The following ELMO1 variants were observed in gnomAD, a reference collection of about 807,000 sequenced individuals.
ELMO1 encodes the protein engulfment and cell motility protein 1.
In ELMO1, 26 loss-of-function variants were observed where a neutral mutation model predicts 98.9. The observed-to-expected ratio is 0.26, with a 90% CI of 0.19 to 0.36. ELMO1 has a LOEUF of 0.36. Ranked by LOEUF, ELMO1 falls within the 10% of genes least tolerant of loss-of-function variation. The pLI is 1.00. For synonymous variants in ELMO1, 346 were observed against 346.0 expected, an observed-to-expected ratio of 1.00 and a Z score of 0.00; for missense variants, 627 against 935.2, an observed-to-expected ratio of 0.67 and a Z score of 4.30.
At chr7:37,446,757 G>C (rs764790590) in intron 1 of ELMO1, among the ~76,000 whole-genome samples, 1 of 152,036 alleles carries the variant, frequency 6.6e-6, no homozygotes, top group Non-Finnish European at 1.5e-5. Flanking sequence ...CTCCAGTTCA[G>C]TACCCTCCTG....
chr7:37,321,321 A>G (rs932105091), intron 2 of ELMO1, among the ~76,000 whole-genome samples: 3 of 152,210 alleles, frequency 2.0e-5, no homozygotes, highest in Non-Finnish European at 2.9e-5. Flanking sequence ...AGGTACGTCT[A>G]TCTGTCCAAT....
At chr7:37,393,002 C>T (rs2723999) in intron 1 of ELMO1, among the ~76,000 whole-genome samples, 113,862 of 152,040 alleles carry the variant, frequency 0.75, 43,145 homozygotes, top group East Asian at 0.95. Flanking sequence ...GCTTCACCAC[C>T]TCCCCACCCC....
chr7:37,126,710 G>T (rs17170889), intron 14 of ELMO1, among the ~76,000 whole-genome samples: 6,274 of 152,234 alleles, frequency 0.041, 368 homozygotes, highest in African/African-American at 0.13. Context: ...GCTTTTCCAT[G>T]TCAGGTATTT....
rs978143103 is a variant in ELMO1, at chr7:37,337,868, G to GA, written c.78+4744dup. Among the ~76,000 whole-genome samples the GA allele has an allele frequency of 9.2e-4, 137 of 149,596 alleles. 1 individual carries two copies. Among genetic ancestry groups the GA allele is most frequent in the Non-Finnish European group, 1.5e-3 (99 of 67,226 alleles). On this transcript the variant is annotated intron_variant, in intron 2 of 21. Coordinates refer to ENST00000310758, the MANE Select transcript of ELMO1 (RefSeq NM_014800.11). ...TCAGAAATGGTGAGTGGCCAAGATG[G>GA]AAAAAAAAAATCACAGAGTACTAGG...
chr7:37,213,948 C>T (rs1793134847), intron 11 of ELMO1, among the ~76,000 whole-genome samples: 1 of 152,214 alleles, frequency 6.6e-6, no homozygotes, highest in African/African-American at 2.4e-5. Context: ...AAATACCCAT[C>T]AAATCTTAAT....
chr7:37,023,879 A>G (rs2129181129), intron 15 of ELMO1, among the ~76,000 whole-genome samples: 1 of 152,274 alleles, frequency 6.6e-6, no homozygotes, highest in Non-Finnish European at 1.5e-5. Flanking sequence ...CCACCGGCCT[A>G]TGAATGCATT....
chr7:37,274,672 C>G (rs1562573349), intron 4 of ELMO1, among the ~76,000 whole-genome samples: 1 of 152,160 alleles, frequency 6.6e-6, no homozygotes, highest in Non-Finnish European at 1.5e-5. Flanking sequence ...CCTGCCTCAG[C>G]CTTCCGAGTA....
chr7:37,011,122 T>C (rs528774400), intron 16 of ELMO1, among the ~76,000 whole-genome samples: 1 of 152,344 alleles, frequency 6.6e-6, no homozygotes, highest in African/African-American at 2.4e-5. Context: ...GCATTAGAGC[T>C]ACGGTAAGAA....
At chr7:37,281,426 CCACAAACAGGGAAAGGGA>C (rs1797136210) in intron 4 of ELMO1, among the ~76,000 whole-genome samples, 3 of 152,286 alleles carry the variant, frequency 2.0e-5, no homozygotes, top group Non-Finnish European at 4.4e-5. Context: ...GCAATACCCC[CCACAAACAGGGAAAGGGA>C]TTCCATGAAA....
intron 14 of ELMO1, among the ~76,000 whole-genome samples, chr7:37,131,940 G>A (rs896535992): frequency 6.6e-6 from 1 of 152,210 alleles, no homozygotes; most frequent in Admixed American, 6.5e-5. Context: ...GGAGGTCACT[G>A]CTGGGTGGTA....
chr7:36,925,988 G>A, intron 16 of ELMO1, among the ~76,000 whole-genome samples: 1 of 152,154 alleles, frequency 6.6e-6, no homozygotes, highest in Non-Finnish European at 1.5e-5. Flanking sequence ...AGGTCCAGAA[G>A]AATCAATCTC....
intron 1 of ELMO1, among the ~76,000 whole-genome samples, chr7:37,432,082 T>C (rs1327856035): frequency 6.6e-6 from 1 of 152,130 alleles, no homozygotes; most frequent in East Asian, 1.9e-4. Context: ...GATTTCTCCA[T>C]GTTGGTCAGG....
chr7:37,232,987 A>T, intron 8 of ELMO1, 108 bp downstream of exon 8: 4 of 949,164 alleles, frequency 4.2e-6, no homozygotes, highest in Non-Finnish European at 6.2e-6. Context: ...CCCATCTTTT[A>T]ATATAAAGAA....
intron 20 of ELMO1, 58 bp from the exon 21 acceptor site, chr7:36,861,794 G>T: frequency 6.5e-7 from 1 of 1,530,462 alleles, no homozygotes; most frequent in Non-Finnish European, 9.1e-7. Flanking sequence ...TCATTTTGCA[G>T]TTGCAAATGG....
intron 13 of ELMO1, among the ~76,000 whole-genome samples, chr7:37,180,570 A>G (rs1790787630): frequency 6.6e-6 from 1 of 152,192 alleles, no homozygotes; most frequent in African/African-American, 2.4e-5. Flanking sequence ...TCTAGGAAAG[A>G]ATAAGTGTAA....
rs140994794 is a variant in ELMO1, at chr7:37,090,701, C to T, written c.1300+5918G>A. Among the ~76,000 whole-genome samples, 42 of 152,350 alleles carry T rather than the reference C, an allele frequency of 2.8e-4. No individual in the cohort carries two copies. The East Asian group carries it at 4.6e-3, about 17-fold the overall frequency. On this transcript the variant is annotated intron_variant, in intron 15 of 21. Transcript: ENST00000310758. Reference sequence around the variant, plus strand: ...TGCAGGTATCTCTTCTTCTCTATCACACCTTGCAAGACTCTCCTTTCCCCA... The same window carrying T: ...TGCAGGTATCTCTTCTTCTCTATCATACCTTGCAAGACTCTCCTTTCCCCA...
intron 15 of ELMO1, among the ~76,000 whole-genome samples, chr7:37,096,082 T>A (rs1043483054): frequency 6.6e-6 from 1 of 152,216 alleles, no homozygotes; most frequent in South Asian, 2.1e-4. Context: ...TTTTGTGATA[T>A]AAGAAAAAGA....
chr7:37,240,537 T>A (rs1334354508), intron 7 of ELMO1, among the ~76,000 whole-genome samples: 1 of 152,172 alleles, frequency 6.6e-6, no homozygotes, highest in Non-Finnish European at 1.5e-5. Flanking sequence ...TTAATTCACA[T>A]TTTTTAAAGC....
intron 16 of ELMO1, among the ~76,000 whole-genome samples, chr7:36,976,016 A>G (rs1790512033): frequency 6.6e-6 from 1 of 152,186 alleles, no homozygotes; most frequent in African/African-American, 2.4e-5. Flanking sequence ...GGTCAATAGG[A>G]TTTATGTAAA....
Sources: allele counts gnomAD v4.1 joint callset (sites outside exome capture counted in the v4.1 genomes callset), GRCh38; gene constraint gnomAD v4.1.1; transcripts MANE v1.5; gene names NCBI Gene and HGNC (gene_info 2026-07-23, HGNC 2026-07-21).